The following BMP8B variants were observed in gnomAD, a reference collection of about 807,000 sequenced individuals.
BMP8B encodes the protein bone morphogenetic protein 8b.
A neutral mutation model predicts 30.3 loss-of-function variants in BMP8B; 17 were observed. The ratio of observed to expected loss-of-function variants is 0.56; its 90% CI spans 0.38 to 0.84. The LOEUF (loss-of-function observed/expected upper bound fraction) is 0.84. Ranked by LOEUF, BMP8B falls within the 40% of genes least tolerant of loss-of-function variation. The pLI, the probability that BMP8B is intolerant of heterozygous loss-of-function variation, is 0.00. For synonymous variants in BMP8B, 131 were observed against 214.7 expected (o/e 0.61, Z 3.41); for missense variants, 253 against 494.6 (o/e 0.51, Z 4.63).
chr1:39,783,012 G>C lies in BMP8B; in HGVS notation c.334+5140C>G, dbSNP rs1255746086. The stretch of plus-strand genomic sequence containing the variant: ...AGGTTTCACCATGTTGGCCAGGCTG[G>C]TCTTGAACTCCTGACCTCAAGTGAT... On this transcript the variant is annotated intron_variant, in intron 1 of 6. Transcript: ENST00000372827. Among the ~76,000 whole-genome samples, 3 of 152,152 alleles carry C rather than the reference G, an allele frequency of 2.0e-5. No individual in the cohort carries two copies. The East Asian group carries it at 5.8e-4, about 29-fold the overall frequency.
chr1:39,775,046 A>G lies in BMP8B; in HGVS notation c.335-8T>C, dbSNP rs1214964080. On this transcript the variant is annotated splice_region_variant and splice_polypyrimidine_tract_variant and intron_variant, in intron 1 of 6. Transcript: ENST00000372827. ...GGGCACGGTCTCGCTCCACTAGAAG[A>G]CAAAGCAGCGCTGGGCTGGCACTCA... 8 of 1,136,610 alleles carry G rather than the reference A, an allele frequency of 7.0e-6. No homozygotes were observed. Among genetic ancestry groups the G allele is most frequent in the Non-Finnish European group, 9.9e-6 (8 of 810,654 alleles). The allele number at this position is 1,136,610 out of a possible 1,614,324, so 70.4% of individuals were successfully genotyped here. A position where few individuals can be genotyped will look rare whatever the true frequency, so the allele number is the denominator to read the frequency against.
intron 1 of BMP8B, 152 bp downstream of exon 1, chr1:39,788,000 C>T: frequency 2.3e-6 from 3 of 1,297,408 alleles, no homozygotes; most frequent in Non-Finnish European, 3.0e-6. Flanking sequence ...ACCCTTAGAC[C>T]TTCCCTAACC....
chr1:39,788,263 G>A lies in BMP8B; in HGVS notation c.223C>T (p.Leu75Phe). 9 of 1,462,134 alleles carry A rather than the reference G, an allele frequency of 6.2e-6. No homozygotes were observed. The highest frequency in any genetic ancestry group is 8.1e-6 in the Non-Finnish European group (9 of 1,116,238). The allele number at this position is 1,462,134 out of a possible 1,614,324, so 90.6% of individuals were successfully genotyped here. ...AASRLPASAPLFMLDLYHAMA... is the reference protein window; with the variant it reads ...AASRLPASAPFFMLDLYHAMA... ...GCGTGGTACAGGTCCAGCATGAAGA[G>A]CGGCGCGGACGCGGGCAGCCGGGAG... The change falls in exon 1 of 7, where the codon CTC (leucine) becomes TTC (phenylalanine). Residue 75 changes from leucine to phenylalanine, a missense_variant. This residue lies in a region of BMP8B where 52 missense variants were observed against 68.3 expected (regional missense o/e 0.76). Transcript: ENST00000372827. This position sits in a 1 kb window ranked among gnomAD's most constrained non-coding sequence, Gnocchi z 5.8.
At chr1:39,766,067 G>T (rs1649593718) in intron 3 of BMP8B, among the ~76,000 whole-genome samples, 1 of 151,566 alleles carries the variant, frequency 6.6e-6, no homozygotes, top group Admixed American at 6.6e-5. Context: ...AACTTTTTCT[G>T]GTTGTTTAAA....
chr1:39,783,456 G>A (rs946096370), intron 1 of BMP8B, among the ~76,000 whole-genome samples: 1 of 152,200 alleles, frequency 6.6e-6, no homozygotes, highest in African/African-American at 2.4e-5. Flanking sequence ...GAACTTTGGG[G>A]AAAAGGGACC....
intron 1 of BMP8B, among the ~76,000 whole-genome samples, chr1:39,777,811 C>T (rs1432477433): frequency 1.3e-5 from 2 of 152,202 alleles, no homozygotes; most frequent in African/African-American, 4.8e-5. Flanking sequence ...CTTCGCTGGC[C>T]CTGCCATCTG....
At chr1:39,778,740 A>G (rs116347098) in intron 1 of BMP8B, among the ~76,000 whole-genome samples, 3,928 of 152,358 alleles carry the variant, frequency 0.026, 103 homozygotes, top group East Asian at 0.12. Flanking sequence ...GTAAGCAAGA[A>G]AGACGCAATT....
At chr1:39,783,603 T>TA (rs910382528) in intron 1 of BMP8B, among the ~76,000 whole-genome samples, 27 of 152,016 alleles carry the variant, frequency 1.8e-4, no homozygotes, top group African/African-American at 6.5e-4. Flanking sequence ...CGTATGCAGT[T>TA]AAAAAAAAGA....
At chr1:39,776,514 T>A (rs889913759) in intron 1 of BMP8B, among the ~76,000 whole-genome samples, 7 of 152,112 alleles carry the variant, frequency 4.6e-5, no homozygotes, top group Admixed American at 3.9e-4. Context: ...GAGGCGGATG[T>A]GGGGAGCACT....
chr1:39,763,386 C>CCCCTCCCCAGCCGTCCCTCCCCAGCCGG (rs1649299990), intron 5 of BMP8B, among the ~76,000 whole-genome samples, 184 bp from the exon 6 acceptor site: 1 of 137,340 alleles, frequency 7.3e-6, no homozygotes, highest in Non-Finnish European at 1.6e-5. Flanking sequence ...CACTTTGCGT[C>CCCCTCCCCAGCCGTCCCTCCCCAGCCGG]CCCTCCCCAG....
chr1:39,782,106 G>T (rs1029446372), intron 1 of BMP8B, among the ~76,000 whole-genome samples: 1 of 148,094 alleles, frequency 6.8e-6, no homozygotes, highest in Non-Finnish European at 1.5e-5. Context: ...AGCCAAGATC[G>T]CACCATTGCA....
rs1037041028 is a variant in BMP8B, at chr1:39,762,902, G to A, written c.1059+190C>T. Among the ~76,000 whole-genome samples, 8 of 152,236 alleles carry A rather than the reference G, an allele frequency of 5.3e-5. No individual in the cohort carries two copies. In the East Asian group the frequency reaches 5.8e-4, roughly 11 times the overall value. On this transcript the variant is annotated intron_variant, in intron 6 of 6. Transcript: ENST00000372827. Reference sequence around the variant, plus strand: ...TGTCCGTGTTTGGGTGCGAGTCTACGTGTAGTGTGGCTGTATAAGGACCAG... The same window carrying A: ...TGTCCGTGTTTGGGTGCGAGTCTACATGTAGTGTGGCTGTATAAGGACCAG...
intron 1 of BMP8B, among the ~76,000 whole-genome samples, chr1:39,785,516 G>A (rs1650911344): frequency 1.3e-5 from 2 of 152,246 alleles, no homozygotes; most frequent in Non-Finnish European, 1.5e-5. Flanking sequence ...GCCTATGAGA[G>A]CCCCGCCCCC....
intron 6 of BMP8B, chr1:39,762,297 G>C: frequency 2.0e-6 from 1 of 493,402 alleles, no homozygotes; most frequent in Non-Finnish European, 3.6e-6. Context: ...GAACTTCTGG[G>C]CTCGTGTGCT....
chr1:39,777,599 C>G (rs777989251), intron 1 of BMP8B, among the ~76,000 whole-genome samples: 2 of 152,378 alleles, frequency 1.3e-5, no homozygotes, highest in Admixed American at 6.5e-5. Context: ...AACAAGGGCT[C>G]TGGCTATTTT....
At chr1:39,762,968 TGC>T in intron 6 of BMP8B, 122 bp downstream of exon 6, 5 of 1,229,964 alleles carry the variant, frequency 4.1e-6, no homozygotes, top group Non-Finnish European at 5.9e-6. Context: ...TTACTGACTG[TGC>T]AGACAAAGCC....
At chr1:39,761,878 G>C (rs1177104599) in intron 6 of BMP8B, among the ~76,000 whole-genome samples, 1 of 152,244 alleles carries the variant, frequency 6.6e-6, no homozygotes, top group Non-Finnish European at 1.5e-5. Flanking sequence ...CTCCCCTAGA[G>C]CGCAGCGCCT....
chr1:39,788,392 G>T lies in BMP8B; in HGVS notation c.94C>A (p.Pro32Thr), dbSNP rs1048781310. Residue 32 changes from proline to threonine, a missense_variant, in exon 1 of 7, where the codon CCC becomes ACC. Around this residue, in one of 7 missense-constraint regions of BMP8B, gnomAD observed 54 missense variants for 70.8 expected, o/e 0.76. Transcript: ENST00000372827. This position sits in a 1 kb window ranked among gnomAD's most constrained non-coding sequence, Gnocchi z 5.8. Reference protein sequence around the residue: ...GPGLRPPPGCPQRRLGARERR... With the variant: ...GPGLRPPPGCTQRRLGARERR... ...TCGCGCGCGCCCAGACGTCGCTGGG[G>T]ACAGCCGGGCGGGGGTCGCAGGCCG... 3.6e-6 allele frequency: 4 copies of T among 1,096,902 alleles called. No homozygotes were observed. The East Asian group carries it at 1.7e-4, about 47-fold the overall frequency. 67.9% of individuals were successfully genotyped at this position (1,096,902 alleles called of 1,614,324 possible). A position where few individuals can be genotyped will look rare whatever the true frequency, so the allele number is the denominator to read the frequency against.
rs1648748840 is a variant in BMP8B, at chr1:39,760,221, G to A, written c.*198C>T. The A allele has an allele frequency of 1.1e-6, 1 of 921,948 alleles. No individual in the cohort carries two copies. Among genetic ancestry groups the A allele is most frequent in the Non-Finnish European group, 1.6e-6 (1 of 630,906 alleles). 57.1% of individuals were successfully genotyped at this position (921,948 alleles called of 1,614,324 possible). A position where few individuals can be genotyped will look rare whatever the true frequency, so the allele number is the denominator to read the frequency against. On this transcript the variant is annotated 3_prime_UTR_variant, in exon 7 of 7. Coordinates refer to ENST00000372827, the MANE Select transcript of BMP8B (RefSeq NM_001720.5). ...ATTGAGACCACCTGGGCTGGAAACA[G>A]GACAGTCACACAAATGCCTGGCAGG... is the stretch of plus-strand genomic sequence containing the variant.
Sources: gnomAD v4.1 joint callset for allele counts (sites outside exome capture counted in the v4.1 genomes callset) on GRCh38, gnomAD v4.1.1 for gene constraint, gnomAD v4.1.1 regional missense constraint, Gnocchi (gnomAD v3.1) non-coding constraint, MANE v1.5 for transcripts, NCBI Gene and HGNC (gene_info 2026-07-23, HGNC 2026-07-21) for gene names.